The following NELL1 variants were observed in gnomAD, a reference collection of about 807,000 sequenced individuals.
NELL1 encodes the protein neural EGFL like 1, also known as protein kinase C-binding protein NELL1.
Under a neutral mutation model 107.4 loss-of-function variants are expected in NELL1, and 76 were observed. The ratio of observed to expected loss-of-function variants is 0.71; its 90% confidence interval spans 0.59 to 0.86. The LOEUF (loss-of-function observed/expected upper bound fraction) is 0.86. NELL1 is among the 40% of genes least tolerant of loss of function. The pLI is 0.00. For missense variants in NELL1, 1,024 were observed against 1,005.5 expected (o/e 1.02, Z -0.25); for synonymous variants, 353 against 341.2 (o/e 1.03, Z -0.38).
intron 4 of NELL1, among the ~76,000 whole-genome samples, chr11:20,860,365 T>C (rs1848956582): frequency 6.6e-6 from 1 of 152,166 alleles, no homozygotes; most frequent in Non-Finnish European, 1.5e-5. Flanking sequence ...TCAGCAAATA[T>C]TTGCAAATAC....
chr11:20,774,298 T>G (rs1240951162), intron 2 of NELL1, among the ~76,000 whole-genome samples: 1 of 145,312 alleles, frequency 6.9e-6, no homozygotes, highest in Non-Finnish European at 1.5e-5. Context: ...CCTTCCTTTT[T>G]TCCTCCCTCC....
At chr11:20,720,671 G>A (rs571339734) in intron 2 of NELL1, among the ~76,000 whole-genome samples, 2 of 152,148 alleles carry the variant, frequency 1.3e-5, no homozygotes, top group South Asian at 4.1e-4. Flanking sequence ...GTGAGGGAAG[G>A]GTCTGTTATG....
At chr11:20,847,951 A>C (rs1351430427) in intron 4 of NELL1, among the ~76,000 whole-genome samples, 198 bp downstream of exon 4, 1 of 152,182 alleles carries the variant, frequency 6.6e-6, no homozygotes, top group Non-Finnish European at 1.5e-5. Flanking sequence ...GTTCATTAAG[A>C]TGAAACTGTA....
chr11:21,068,320 T>C (rs1853930407), intron 12 of NELL1, among the ~76,000 whole-genome samples: 1 of 152,126 alleles, frequency 6.6e-6, no homozygotes, highest in Admixed American at 6.6e-5. Flanking sequence ...CACAACATTC[T>C]CTCCATTTTA....
chr11:21,404,012 C>CCA (rs1554905746), intron 15 of NELL1, among the ~76,000 whole-genome samples: 3 of 112,088 alleles, frequency 2.7e-5, no homozygotes, highest in Admixed American at 1.8e-4. Flanking sequence ...TGAACCCCCC[C>CCA]CCCCGCAATC....
At position 20,916,964 on chromosome 11, in the gene NELL1, GA is replaced by G. The variant is rs761629047; in HGVS notation, c.604-1215del. ...TTAGCTGGAGACAGATCCAGAACTT[GA>G]AACCAGGTTCCCTGACTTCTAATCC... On this transcript the variant is annotated intron_variant, in intron 5 of 19. Transcript: ENST00000357134. Among the ~76,000 whole-genome samples, 32 of 151,882 alleles carry G rather than the reference GA, an allele frequency of 2.1e-4. 1 individual carries two copies. Among genetic ancestry groups the G allele is most frequent in the Non-Finnish European group, 1.2e-4 (8 of 67,894 alleles).
At chr11:20,768,898 T>C (rs961262223) in intron 2 of NELL1, among the ~76,000 whole-genome samples, 6 of 152,128 alleles carry the variant, frequency 3.9e-5, no homozygotes, top group African/African-American at 9.7e-5. Flanking sequence ...TATAATAAAA[T>C]TGTGTTGCCT....
chr11:21,051,976 T>C (rs1266227268), intron 12 of NELL1, among the ~76,000 whole-genome samples: 1 of 151,978 alleles, frequency 6.6e-6, no homozygotes, highest in Non-Finnish European at 1.5e-5. Context: ...ATGAGAAAAA[T>C]ACAGCAGAGT....
chr11:20,758,423 G>T (rs139767737), intron 2 of NELL1, among the ~76,000 whole-genome samples: 40 of 152,136 alleles, frequency 2.6e-4, no homozygotes, highest in African/African-American at 8.2e-4. Flanking sequence ...ACTACATCAC[G>T]CTCCTGATTC....
intron 2 of NELL1, among the ~76,000 whole-genome samples, chr11:20,782,672 A>G (rs1422364012): frequency 1.3e-5 from 2 of 152,238 alleles, no homozygotes; most frequent in Non-Finnish European, 2.9e-5. Flanking sequence ...GTAGTCCTGG[A>G]GAAATAACCA....
At chr11:20,817,365 G>A (rs1292097859) in intron 3 of NELL1, among the ~76,000 whole-genome samples, 1 of 152,046 alleles carries the variant, frequency 6.6e-6, no homozygotes, top group Non-Finnish European at 1.5e-5. Context: ...TTCAATCCTG[G>A]GAAGTTGTGT....
chr11:21,345,235 T>G (rs1850659394), intron 14 of NELL1, among the ~76,000 whole-genome samples: 1 of 152,186 alleles, frequency 6.6e-6, no homozygotes, highest in Admixed American at 6.5e-5. Context: ...ATGTTATAGT[T>G]TGAAGGAACA....
chr11:21,337,082 G>C (rs567023635), intron 14 of NELL1, among the ~76,000 whole-genome samples: 4 of 152,148 alleles, frequency 2.6e-5, no homozygotes, highest in South Asian at 2.1e-4. Flanking sequence ...AGTAGAAATA[G>C]GCAGCTAGTT....
intron 12 of NELL1, 91 bp downstream of exon 12, chr11:20,960,651 TGGCTGTGGTCCTATGCAATCCTA>T: frequency 7.0e-7 from 1 of 1,431,852 alleles, no homozygotes; most frequent in Non-Finnish European, 9.7e-7. Flanking sequence ...AACTATCACT[TGGCTGTGGTCCTATGCAATCCTA>T]TAAGAAATCA....
At chr11:21,296,972 T>G (rs930090301) in intron 14 of NELL1, among the ~76,000 whole-genome samples, 4 of 151,528 alleles carry the variant, frequency 2.6e-5, no homozygotes, top group Non-Finnish European at 5.9e-5. Context: ...ATATATTCCT[T>G]AAAGTTATTC....
At chr11:21,345,124 G>A (rs1850656496) in intron 14 of NELL1, among the ~76,000 whole-genome samples, 1 of 152,192 alleles carries the variant, frequency 6.6e-6, no homozygotes, top group Non-Finnish European at 1.5e-5. Flanking sequence ...GAGCCCAGAA[G>A]TAGCTTGGTT....
At chr11:20,988,437 ATC>A (rs59795903) in intron 12 of NELL1, among the ~76,000 whole-genome samples, 13,524 of 131,066 alleles carry the variant, frequency 0.1, 818 homozygotes, top group East Asian at 0.25. Context: ...GTGTATATAT[ATC>A]TATATATACA....
At chr11:20,864,539 A>C (rs1849058950) in intron 4 of NELL1, among the ~76,000 whole-genome samples, 1 of 152,182 alleles carries the variant, frequency 6.6e-6, no homozygotes, top group Non-Finnish European at 1.5e-5. Flanking sequence ...AAAGAGTATG[A>C]GTGGGTCTGA....
chr11:21,468,547 A>G (rs1161049170), intron 15 of NELL1, among the ~76,000 whole-genome samples: 2 of 152,074 alleles, frequency 1.3e-5, no homozygotes, highest in Non-Finnish European at 1.5e-5. Context: ...TGCCTTGCCC[A>G]ATCTCCAATT....
Sources: allele counts gnomAD v4.1 joint callset (sites outside exome capture counted in the v4.1 genomes callset), GRCh38; gene constraint gnomAD v4.1.1; transcripts MANE v1.5; gene names NCBI Gene and HGNC (gene_info 2026-07-23, HGNC 2026-07-21).